The following TRHDE variants were observed in gnomAD, a reference collection of about 807,000 sequenced individuals.
TRHDE encodes the protein thyrotropin-releasing hormone-degrading ectoenzyme.
A neutral mutation model predicts 125.7 loss-of-function variants in TRHDE; 72 were observed. The ratio of observed to expected loss-of-function variants is 0.57; its 90% CI spans 0.47 to 0.70. The LOEUF is 0.70. Among genes scored for constraint, TRHDE ranks in the 30% least tolerant of loss-of-function variants. TRHDE has a pLI of 0.00. For missense variants in TRHDE, 1,110 were observed against 1,327.1 expected (o/e 0.84, Z 2.54); for synonymous variants, 509 against 509.1 (o/e 1.00, Z 0.00).
chr12:72,556,164 A>G (rs1869912277), intron 7 of TRHDE, among the ~76,000 whole-genome samples: 2 of 152,196 alleles, frequency 1.3e-5, no homozygotes, highest in Non-Finnish European at 2.9e-5. Flanking sequence ...AGTGTTCTTT[A>G]GTTTTTATTT....
intron 2 of TRHDE, among the ~76,000 whole-genome samples, chr12:72,357,844 C>T (rs1592566580): frequency 6.6e-6 from 1 of 150,568 alleles, no homozygotes. Flanking sequence ...TAAATATATA[C>T]AATAAAATGT....
intron 12 of TRHDE, chr12:72,582,389 ATAACC>A (rs1871276459): frequency 1.0e-6 from 1 of 985,242 alleles, no homozygotes; most frequent in Admixed American, 6.1e-5. Context: ...CATTGTTAAA[ATAACC>A]TTAACAACAT....
At chr12:72,405,748 A>G (rs1772687810) in intron 3 of TRHDE, among the ~76,000 whole-genome samples, 1 of 152,232 alleles carries the variant, frequency 6.6e-6, no homozygotes, top group Non-Finnish European at 1.5e-5. Context: ...AGTGTAAAGG[A>G]AAACATAATA....
At chr12:72,298,760 A>G (rs923630029) in intron 2 of TRHDE, among the ~76,000 whole-genome samples, 5 of 152,226 alleles carry the variant, frequency 3.3e-5, no homozygotes, top group Non-Finnish European at 7.3e-5. Context: ...CTTTAAAAGC[A>G]TGGAGATAAT....
rs556933509 is a variant in TRHDE, at chr12:72,425,728, G to A, written c.1316-44030G>A. On this transcript the variant is annotated intron_variant, in intron 3 of 18. Transcript: ENST00000261180. ...AAGAAGCAACTTAAAAAAATACCTTGATACTGCCTCTTATTATTGGTGGAA... is the reference window on the plus strand; with the variant it reads ...AAGAAGCAACTTAAAAAAATACCTTAATACTGCCTCTTATTATTGGTGGAA... Among the ~76,000 whole-genome samples the A allele has an allele frequency of 3.7e-4, 56 of 152,002 alleles. No homozygotes were observed. In the South Asian group the frequency reaches 4.2e-3, roughly 11 times the overall value.
At chr12:72,493,148 T>G (rs1372768637) in intron 5 of TRHDE, among the ~76,000 whole-genome samples, 1 of 151,954 alleles carries the variant, frequency 6.6e-6, no homozygotes, top group African/African-American at 2.4e-5. Context: ...GACATTCTAT[T>G]TGTTTGATTC....
intron 13 of TRHDE, among the ~76,000 whole-genome samples, chr12:72,620,568 C>A (rs945617163): frequency 6.6e-6 from 1 of 151,910 alleles, no homozygotes; most frequent in African/African-American, 2.4e-5. Flanking sequence ...TACCTTGATA[C>A]TGACACTTAA....
rs1285385614 is a variant in TRHDE, at chr12:72,667,208, G to C, written c.*4013G>C. 2.0e-5 allele frequency: 3 copies of C among 151,826 alleles called. No individual in the cohort carries two copies. Among genetic ancestry groups the C allele is most frequent in the African/African-American group, 7.2e-5 (3 of 41,402 alleles). 9.4% of individuals were successfully genotyped at this position (151,826 alleles called of 1,614,324 possible). ...TTAAGGAATTCTTTTCTAAGAAGTT[G>C]GAGAACCTAAAATAGCTTGCTTATT... On this transcript the variant is annotated 3_prime_UTR_variant, in exon 19 of 19. Transcript: ENST00000261180.
intron 2 of TRHDE, among the ~76,000 whole-genome samples, chr12:72,217,439 T>G (rs554964173): frequency 4.1e-4 from 62 of 152,260 alleles, no homozygotes; most frequent in African/African-American, 1.4e-3. Flanking sequence ...CAAAGATCAT[T>G]TACTATATTT....
intron 3 of TRHDE, among the ~76,000 whole-genome samples, chr12:72,433,746 C>CTTTTTT (rs35623228): frequency 6.8e-6 from 1 of 146,024 alleles, no homozygotes; most frequent in Non-Finnish European, 1.5e-5. Flanking sequence ...GACAAATAAA[C>CTTTTTT]TTTTTTTTTT....
At chr12:72,545,798 T>C (rs1869387464) in intron 7 of TRHDE, among the ~76,000 whole-genome samples, 1 of 151,684 alleles carries the variant, frequency 6.6e-6, no homozygotes. Context: ...ACTTTATAAT[T>C]TTATGATTAA....
intron 9 of TRHDE, among the ~76,000 whole-genome samples, chr12:72,564,935 G>A (rs763655169): frequency 3.8e-4 from 58 of 151,984 alleles, no homozygotes; most frequent in Non-Finnish European, 6.2e-4. Flanking sequence ...CAAAGTGCTG[G>A]GATTACAGGC....
intron 2 of TRHDE, among the ~76,000 whole-genome samples, chr12:72,260,870 A>G (rs1361410301): frequency 2.6e-5 from 4 of 152,180 alleles, no homozygotes; most frequent in Non-Finnish European, 5.9e-5. Flanking sequence ...TGCCCTGAAG[A>G]AACTTTCATT....
rs199531777 is a variant in TRHDE, at chr12:72,147,011, C to G, written n.279+41259C>G. Among the ~76,000 whole-genome samples the G allele has an allele frequency of 1.9e-4, 29 of 152,296 alleles. No individual in the cohort carries two copies. The East Asian group carries it at 5.6e-3, about 30-fold the overall frequency. On this transcript the variant is annotated intron_variant and non_coding_transcript_variant, in intron 2 of 4. Transcript: ENST00000548156. ...TTCTCCAACGGCCCTGGCCGAACTCCCCTCGGCATCCAGACGTCACTCTTC... is the reference window on the plus strand; with the variant it reads ...TTCTCCAACGGCCCTGGCCGAACTCGCCTCGGCATCCAGACGTCACTCTTC...
At chr12:72,591,261 C>A (rs761439871) in intron 12 of TRHDE, among the ~76,000 whole-genome samples, 2 of 152,182 alleles carry the variant, frequency 1.3e-5, no homozygotes, top group African/African-American at 2.4e-5. Flanking sequence ...TGGGTGTGGA[C>A]ACAACCAATC....
chr12:72,181,108 C>G (rs191972859), intron 2 of TRHDE, among the ~76,000 whole-genome samples: 1 of 152,172 alleles, frequency 6.6e-6, no homozygotes, highest in Admixed American at 6.5e-5. Flanking sequence ...CTGGCGGCAC[C>G]ATTGGTTTTG....
At position 72,187,279 on chromosome 12, in the gene TRHDE, T is replaced by C. The variant is rs190796694; in HGVS notation, n.279+81527T>C. Reference sequence around the variant, plus strand: ...AGCTGAAATAACTTGGTTAAGGTCATGTAGTGTACTAGGGTTCTTCAGAGA... The same window carrying C: ...AGCTGAAATAACTTGGTTAAGGTCACGTAGTGTACTAGGGTTCTTCAGAGA... On this transcript the variant is annotated intron_variant and non_coding_transcript_variant, in intron 2 of 4. Coordinates refer to the TRHDE transcript ENST00000548156. 5.9e-3 allele frequency among the ~76,000 whole-genome samples: 889 copies of C among 151,024 alleles called. 16 individuals carry two copies. Among genetic ancestry groups the C allele is most frequent in the African/African-American group, 0.021 (870 of 41,078 alleles).
chr12:72,232,786 A>C (rs1878271642), intron 2 of TRHDE, among the ~76,000 whole-genome samples: 1 of 152,076 alleles, frequency 6.6e-6, no homozygotes, highest in African/African-American at 2.4e-5. Context: ...TCTAAATAAC[A>C]CCTTTACAGT....
intron 15 of TRHDE, among the ~76,000 whole-genome samples, chr12:72,643,244 A>C (rs1275551831): frequency 6.6e-6 from 1 of 152,168 alleles, no homozygotes; most frequent in East Asian, 1.9e-4. Flanking sequence ...CTTCCCTGAT[A>C]TTTTGAGGAT....
Sources: allele counts gnomAD v4.1 joint callset (sites outside exome capture counted in the v4.1 genomes callset), GRCh38; gene constraint gnomAD v4.1.1; transcripts MANE v1.5; gene names NCBI Gene and HGNC (gene_info 2026-07-23, HGNC 2026-07-21).